FHAD1: variants seen among roughly 807,000 people sequenced by gnomAD.
FHAD1 encodes forkhead-associated domain-containing protein 1.
Under a neutral mutation model 191.3 loss-of-function variants are expected in FHAD1, and 146 were observed. The observed-to-expected ratio is 0.76, with a 90% confidence interval of 0.67 to 0.88. The LOEUF is 0.88. FHAD1 is among the 40% of genes least tolerant of loss of function. The pLI, the probability that FHAD1 is intolerant of heterozygous loss-of-function variation, is 0.00. For missense variants in FHAD1, 1,635 were observed against 1,785.8 expected (o/e 0.92, Z 1.52); for synonymous variants, 616 against 672.3 (o/e 0.92, Z 1.29).
At chr1:15,315,570 CT>C (rs1378854184) in intron 8 of FHAD1, among the ~76,000 whole-genome samples, 2 of 148,904 alleles carry the variant, frequency 1.3e-5, no homozygotes, top group East Asian at 2.0e-4. Flanking sequence ...ACTGCAAGCT[CT>C]GCCTCCCGGG....
intron 3 of FHAD1, among the ~76,000 whole-genome samples, chr1:15,274,535 C>T (rs1657515337): frequency 6.6e-6 from 1 of 151,932 alleles, no homozygotes. Context: ...TTGCTTGGAC[C>T]CAGGAGGTGG....
At chr1:15,342,330 A>G (rs1255364027) in intron 16 of FHAD1, among the ~76,000 whole-genome samples, 1 of 152,218 alleles carries the variant, frequency 6.6e-6, no homozygotes, top group East Asian at 1.9e-4. Context: ...CAAGCCAGTT[A>G]GAAGATAGCA....
intron 32 of FHAD1, among the ~76,000 whole-genome samples, chr1:15,389,565 T>C (rs552005619): frequency 3.6e-4 from 54 of 151,980 alleles, no homozygotes; most frequent in Non-Finnish European, 7.6e-4. Flanking sequence ...TCTCACTAAC[T>C]TTGTGATAAA....
intron 20 of FHAD1, among the ~76,000 whole-genome samples, chr1:15,356,855 G>A (rs1188003042): frequency 1.4e-5 from 2 of 145,306 alleles, no homozygotes; most frequent in African/African-American, 5.2e-5. Context: ...CTGGGCAACA[G>A]AGCAAGACTC....
In FHAD1 at chr1:15,330,517, G is replaced by T. The variant is rs1680804391; in HGVS notation, c.1906+976G>T. 2.0e-5 allele frequency among the ~76,000 whole-genome samples: 3 copies of T among 152,310 alleles called. No individual in the cohort carries two copies. The South Asian group carries it at 6.2e-4, about 32-fold the overall frequency. Reference sequence around the variant, plus strand: ...AAAAACAGGCCCTCCAAGAGCTTATGGTCTCAGGGGGAAGGATGAGGTGGG... The same window carrying T: ...AAAAACAGGCCCTCCAAGAGCTTATTGTCTCAGGGGGAAGGATGAGGTGGG... On this transcript the variant is annotated intron_variant, in intron 14 of 33. Transcript: ENST00000688493.
chr1:15,389,447 C>CAAAAAAAGAAAAAAAAAAAAAA (rs1703238851), intron 32 of FHAD1, among the ~76,000 whole-genome samples: 1 of 54,220 alleles, frequency 1.8e-5, no homozygotes, highest in African/African-American at 7.8e-5. Flanking sequence ...GAACCTGTCT[C>CAAAAAAAGAAAAAAAAAAAAAA]AAAAAAAAAA....
chr1:15,364,684 G>C (rs949456236), intron 23 of FHAD1, among the ~76,000 whole-genome samples: 2 of 152,142 alleles, frequency 1.3e-5, no homozygotes, highest in Non-Finnish European at 2.9e-5. Flanking sequence ...GAACTCAAAT[G>C]AAGTGGCATT....
intron 11 of FHAD1, chr1:15,326,757 T>A (rs11589630): frequency 0.03 from 7,839 of 257,100 alleles, 653 homozygotes; most frequent in African/African-American, 0.16. Flanking sequence ...GGCCCCAGAC[T>A]TCCCATTGGA....
chr1:15,280,993 A>C (rs1268288770), intron 3 of FHAD1, among the ~76,000 whole-genome samples: 1 of 152,254 alleles, frequency 6.6e-6, no homozygotes, highest in Non-Finnish European at 1.5e-5. Context: ...AAACGTGGAA[A>C]TAGTATGTAA....
At chr1:15,354,927 G>T (rs1344992171) in intron 20 of FHAD1, among the ~76,000 whole-genome samples, 1 of 137,534 alleles carries the variant, frequency 7.3e-6, no homozygotes, top group East Asian at 2.0e-4. Context: ...GTAGAGTCTT[G>T]GCCGGGCGCA....
In FHAD1 at chr1:15,327,371, C is replaced by T. The variant is rs1399017651; in HGVS notation, c.1557+229C>T. On this transcript the variant is annotated intron_variant, in intron 12 of 33. Transcript: ENST00000688493. This position sits in a 1 kb window ranked among gnomAD's most constrained non-coding sequence, Gnocchi z 5.1. ...TGTGTCTGTGAAAATCAAATTAAAC[C>T]ATTCGGGCTTACTTCTGGTCTCCAG... 1 of 493,278 alleles carries T rather than the reference C, an allele frequency of 2.0e-6. No individual in the cohort carries two copies. The highest frequency in any genetic ancestry group is 3.5e-5 in the East Asian group (1 of 28,214). The allele number at this position is 493,278 out of a possible 1,614,324, so 30.6% of individuals were successfully genotyped here.
chr1:15,317,282 T>C (rs1235713111), intron 9 of FHAD1, among the ~76,000 whole-genome samples: 2 of 152,170 alleles, frequency 1.3e-5, no homozygotes, highest in Non-Finnish European at 1.5e-5. Flanking sequence ...AGGAGGTGTA[T>C]TCCTGACGCC....
chr1:15,302,640 A>G (rs1669186520), intron 6 of FHAD1, among the ~76,000 whole-genome samples: 1 of 151,680 alleles, frequency 6.6e-6, no homozygotes, highest in South Asian at 2.1e-4. Flanking sequence ...AATGGCATGA[A>G]CCTGGGAGGC....
intron 31 of FHAD1, chr1:15,383,358 G>A: frequency 2.4e-6 from 1 of 419,214 alleles, no homozygotes; most frequent in South Asian, 1.8e-5. Flanking sequence ...TCCCCATGCT[G>A]CCCATGACCC....
chr1:15,281,168 A>G (rs911116037), intron 3 of FHAD1, among the ~76,000 whole-genome samples: 1 of 152,234 alleles, frequency 6.6e-6, no homozygotes, highest in African/African-American at 2.4e-5. Flanking sequence ...TGGGCCGCAC[A>G]TAGCACCCTC....
chr1:15,257,860 C>G (rs115444032), intron 2 of FHAD1, among the ~76,000 whole-genome samples: 98 of 152,284 alleles, frequency 6.4e-4, no homozygotes, highest in African/African-American at 2.3e-3. Context: ...GGAGGGGAGA[C>G]AGAGTCTCGC....
At chr1:15,258,680 G>A (rs1649529744) in intron 2 of FHAD1, among the ~76,000 whole-genome samples, 1 of 151,778 alleles carries the variant, frequency 6.6e-6, no homozygotes, top group Non-Finnish European at 1.5e-5. Flanking sequence ...CTGCCACCCG[G>A]GTTCAAGTGA....
chr1:15,375,569 C>A, intron 27 of FHAD1, 34 bp from the exon 28 acceptor site: 2 of 1,493,450 alleles, frequency 1.3e-6, no homozygotes, highest in South Asian at 1.4e-5. Flanking sequence ...TCTTCCTGAG[C>A]CTTTCTTTTG....
intron 33 of FHAD1, among the ~76,000 whole-genome samples, chr1:15,393,660 T>C (rs1465800034): frequency 1.3e-5 from 2 of 150,982 alleles, no homozygotes; most frequent in East Asian, 3.9e-4. Flanking sequence ...TGTAGTGCAG[T>C]GGCACCATCT....
Sources: allele counts gnomAD v4.1 joint callset (sites outside exome capture counted in the v4.1 genomes callset), GRCh38; gene constraint gnomAD v4.1.1; non-coding constraint Gnocchi (gnomAD v3.1); transcripts MANE v1.5; gene names NCBI Gene and HGNC (gene_info 2026-07-23, HGNC 2026-07-21).